NCALD: variants seen among roughly 807,000 people sequenced by gnomAD.
NCALD encodes the protein neurocalcin-delta.
In NCALD, 10 loss-of-function variants were observed where a neutral mutation model predicts 18.6. The ratio of observed to expected loss-of-function variants is 0.54; its 90% CI spans 0.33 to 0.91. NCALD has a LOEUF of 0.91. Ranked by LOEUF, NCALD falls within the 40% of genes least tolerant of loss-of-function variation. The pLI, the probability that NCALD is intolerant of heterozygous loss-of-function variation, is 0.03. For missense variants in NCALD, 184 were observed against 247.6 expected, an observed-to-expected ratio of 0.74 and a Z score of 1.72; for synonymous variants, 88 against 87.4, an observed-to-expected ratio of 1.01 and a Z score of -0.04.
chr8:101,731,474 A>G (rs1397179637), intron 1 of NCALD, among the ~76,000 whole-genome samples: 1 of 152,094 alleles, frequency 6.6e-6, no homozygotes, highest in Admixed American at 6.6e-5. Context: ...CATACCCCCT[A>G]AGATGAGAAT....
At chr8:101,968,061 T>A (rs1038049511) in intron 2 of NCALD, among the ~76,000 whole-genome samples, 19 of 152,154 alleles carry the variant, frequency 1.2e-4, no homozygotes, top group Non-Finnish European at 2.1e-4. Context: ...GTTAAGCAAA[T>A]CTGCCCATCA....
intron 3 of NCALD, among the ~76,000 whole-genome samples, chr8:101,902,719 G>A (rs576569217): frequency 6.6e-6 from 1 of 152,234 alleles, no homozygotes; most frequent in Non-Finnish European, 1.5e-5. Context: ...CCGGACTGAT[G>A]CCATGGCTTT....
intron 4 of NCALD, among the ~76,000 whole-genome samples, chr8:101,865,013 A>G (rs1815710309): frequency 6.6e-6 from 1 of 152,226 alleles, no homozygotes; most frequent in African/African-American, 2.4e-5. Context: ...TATTTTCATT[A>G]TAATAAGTGC....
At chr8:101,768,832 C>A (rs189621342) in intron 1 of NCALD, among the ~76,000 whole-genome samples, 1 of 152,178 alleles carries the variant, frequency 6.6e-6, no homozygotes, top group African/African-American at 2.4e-5. Flanking sequence ...GAATAATGGT[C>A]TTCCAAAGAT....
chr8:101,936,355 T>G (rs1175053859), intron 2 of NCALD, among the ~76,000 whole-genome samples: 3 of 152,118 alleles, frequency 2.0e-5, no homozygotes, highest in Admixed American at 1.3e-4. Flanking sequence ...GGCGAGGTAC[T>G]GAAGGCATAT....
chr8:101,930,815 T>G (rs980931754), intron 2 of NCALD, among the ~76,000 whole-genome samples: 3 of 152,144 alleles, frequency 2.0e-5, no homozygotes, highest in African/African-American at 7.2e-5. Context: ...AGTGAGTGTG[T>G]GAAAGTTGTG....
At chr8:101,945,424 C>T (rs956186073) in intron 2 of NCALD, among the ~76,000 whole-genome samples, 4 of 152,038 alleles carry the variant, frequency 2.6e-5, no homozygotes, top group South Asian at 2.1e-4. Context: ...AAACACAAAC[C>T]GTGACAAGTT....
intron 1 of NCALD, among the ~76,000 whole-genome samples, chr8:101,729,100 G>C (rs1816700411): frequency 6.6e-6 from 1 of 152,084 alleles, no homozygotes; most frequent in Admixed American, 6.6e-5. Context: ...TTCATTTCTA[G>C]GTCAATTGTC....
chr8:101,692,685 T>C (rs540475867), intron 3 of NCALD, 106 bp downstream of exon 3: 40 of 1,404,254 alleles, frequency 2.8e-5, no homozygotes, highest in Non-Finnish European at 2.9e-6. Flanking sequence ...GCTTGGAGGA[T>C]GAGCCGCTCA....
chr8:101,765,340 C>T (rs550135160), intron 1 of NCALD, among the ~76,000 whole-genome samples: 1 of 152,318 alleles, frequency 6.6e-6, no homozygotes, highest in South Asian at 2.1e-4. Context: ...CTGCATTAAA[C>T]TGAGCGGGGC....
chr8:101,869,933 T>C (rs1346565166), intron 4 of NCALD, among the ~76,000 whole-genome samples: 3 of 152,222 alleles, frequency 2.0e-5, no homozygotes, highest in Non-Finnish European at 4.4e-5. Context: ...CTTGATTTCA[T>C]GTATCTTTTT....
intron 3 of NCALD, among the ~76,000 whole-genome samples, chr8:101,906,456 G>C (rs1246732374): frequency 6.6e-6 from 1 of 152,116 alleles, no homozygotes; most frequent in Non-Finnish European, 1.5e-5. Flanking sequence ...ACTCAACTTT[G>C]CCATTGAGGC....
At chr8:102,105,877 A>G (rs1212667193) in intron 1 of NCALD, among the ~76,000 whole-genome samples, 1 of 152,122 alleles carries the variant, frequency 6.6e-6, no homozygotes, top group African/African-American at 2.4e-5. Context: ...CCATAGTAAA[A>G]TGGGAATAAT....
chr8:101,894,141 A>T (rs1327336003), intron 3 of NCALD, among the ~76,000 whole-genome samples: 5 of 141,734 alleles, frequency 3.5e-5, no homozygotes, highest in South Asian at 2.2e-4. Flanking sequence ...ATGTAAAAGA[A>T]CAGAAATTAT....
chr8:101,895,185 C>T (rs1413145127), intron 3 of NCALD, among the ~76,000 whole-genome samples: 1 of 150,440 alleles, frequency 6.6e-6, no homozygotes, highest in African/African-American at 2.5e-5. Flanking sequence ...GGGCTTCATC[C>T]CTGGGATGCA....
chr8:102,006,466 C>T (rs7833943), intron 2 of NCALD, among the ~76,000 whole-genome samples: 92,332 of 152,130 alleles, frequency 0.61, 29,807 homozygotes, highest in African/African-American at 0.82. Flanking sequence ...ACTTCATCTC[C>T]TCCCTAGACC....
chr8:101,826,187 G>A (rs1813929367), intron 4 of NCALD, among the ~76,000 whole-genome samples: 1 of 152,236 alleles, frequency 6.6e-6, no homozygotes, highest in Admixed American at 6.5e-5. Context: ...AAGACAGCAA[G>A]ACTTCAGAGA....
At chr8:101,765,214 A>C (rs1289133855) in intron 1 of NCALD, among the ~76,000 whole-genome samples, 1 of 152,236 alleles carries the variant, frequency 6.6e-6, no homozygotes, top group Non-Finnish European at 1.5e-5. Context: ...GAACAGTAGC[A>C]TGCAAATTCT....
chr8:101,953,586 G>A (rs1390473315), intron 2 of NCALD, among the ~76,000 whole-genome samples: 2 of 152,232 alleles, frequency 1.3e-5, no homozygotes, highest in East Asian at 1.9e-4. Context: ...AGGGGGTCCT[G>A]CAATAAAACA....
Sources: allele counts gnomAD v4.1 joint callset (sites outside exome capture counted in the v4.1 genomes callset), GRCh38; gene constraint gnomAD v4.1.1; transcripts MANE v1.5; gene names NCBI Gene and HGNC (gene_info 2026-07-23, HGNC 2026-07-21).